The following FGF12 variants were observed in gnomAD, a reference collection of about 807,000 sequenced individuals.
The protein encoded by FGF12 is fibroblast growth factor 12B.
In FGF12, 14 loss-of-function variants were observed where a neutral mutation model predicts 23.6. That is an observed-to-expected ratio of 0.59 (90% CI 0.39 to 0.93). The LOEUF is 0.93. Ranked by LOEUF, FGF12 falls within the 40% of genes least tolerant of loss-of-function variation. FGF12 has a pLI of 0.00. For synonymous variants in FGF12, 62 were observed against 77.3 expected (o/e 0.80, Z 1.04); for missense variants, 175 against 217.8 (o/e 0.80, Z 1.24).
At chr3:192,327,009 C>T (rs1716854306) in intron 4 of FGF12, among the ~76,000 whole-genome samples, 1 of 152,058 alleles carries the variant, frequency 6.6e-6, no homozygotes, top group African/African-American at 2.4e-5. Flanking sequence ...CACATAAGGC[C>T]AAGAGCAGTA....
At chr3:192,419,521 T>C (rs910222076) in intron 2 of FGF12, among the ~76,000 whole-genome samples, 1 of 152,116 alleles carries the variant, frequency 6.6e-6, no homozygotes, top group Non-Finnish European at 1.5e-5. Flanking sequence ...TTTCCCACCA[T>C]CAGAGACTTT....
intron 2 of FGF12, among the ~76,000 whole-genome samples, chr3:192,678,928 G>T (rs1278546869): frequency 6.6e-6 from 1 of 152,082 alleles, no homozygotes; most frequent in East Asian, 1.9e-4. Context: ...TGAAGACCTT[G>T]CTGGGCCTAC....
chr3:192,401,516 T>TA (rs1244519364), intron 2 of FGF12, among the ~76,000 whole-genome samples: 4 of 152,236 alleles, frequency 2.6e-5, no homozygotes, highest in Non-Finnish European at 5.9e-5. Flanking sequence ...AGGGCCTCTG[T>TA]ACTGTATGGT....
At chr3:192,597,539 T>A (rs2886781) in intron 2 of FGF12, among the ~76,000 whole-genome samples, 23,572 of 152,142 alleles carry the variant, frequency 0.15, 1,853 homozygotes, top group Middle Eastern at 0.19. Context: ...GAAAATGGAA[T>A]AATTGCATTC....
chr3:192,716,490 T>G (rs1577138607), intron 2 of FGF12, among the ~76,000 whole-genome samples: 1 of 152,226 alleles, frequency 6.6e-6, no homozygotes, highest in Non-Finnish European at 1.5e-5. Flanking sequence ...CGAGTATATC[T>G]TAACTACATT....
intron 2 of FGF12, among the ~76,000 whole-genome samples, chr3:192,707,744 CAAA>C (rs780175053): frequency 4.7e-5 from 4 of 84,844 alleles, no homozygotes; most frequent in Admixed American, 1.4e-4. Flanking sequence ...GACTCCTTCT[CAAA>C]AAAAAAAAAA....
chr3:192,321,179 A>G (rs972820375), intron 4 of FGF12, among the ~76,000 whole-genome samples: 1 of 152,116 alleles, frequency 6.6e-6, no homozygotes, highest in African/African-American at 2.4e-5. Flanking sequence ...TACTATAAGC[A>G]ACTACACACC....
chr3:192,644,539 G>A (rs957565874), intron 2 of FGF12, among the ~76,000 whole-genome samples: 6 of 152,182 alleles, frequency 3.9e-5, no homozygotes, highest in Admixed American at 1.3e-4. Context: ...CCAAATGTCA[G>A]TTGCTGTCTC....
chr3:192,543,986 G>A (rs918609323), intron 2 of FGF12, among the ~76,000 whole-genome samples: 2 of 152,168 alleles, frequency 1.3e-5, no homozygotes, highest in African/African-American at 4.8e-5. Context: ...GCTGGGGAAC[G>A]GATAGTGCAA....
chr3:192,686,005 C>T lies in FGF12; in HGVS notation c.13+41176G>A, dbSNP rs540547600. ...GCACTCCTGAGCCCTGGAGGCAAAG[C>T]GTGGCGCAATCAGGGATGTTGTGAA... On this transcript the variant is annotated intron_variant, in intron 2 of 5. Coordinates refer to ENST00000445105, the MANE Select transcript of FGF12 (RefSeq NM_004113.6). 4.6e-5 allele frequency among the ~76,000 whole-genome samples: 7 copies of T among 152,162 alleles called. No homozygotes were observed. The South Asian group carries it at 1.5e-3, about 32-fold the overall frequency.
chr3:192,473,883 T>A (rs1723242500), intron 2 of FGF12, among the ~76,000 whole-genome samples: 1 of 152,184 alleles, frequency 6.6e-6, no homozygotes, highest in South Asian at 2.1e-4. Flanking sequence ...ATATCATGTC[T>A]CCAGACAGGG....
At chr3:192,588,222 C>T (rs2108619713) in intron 2 of FGF12, among the ~76,000 whole-genome samples, 1 of 150,834 alleles carries the variant, frequency 6.6e-6, no homozygotes, top group Middle Eastern at 3.4e-3. Context: ...TGGTGGCGGG[C>T]TCCTGTAGTC....
chr3:192,195,766 G>A (rs1717036562), intron 4 of FGF12, among the ~76,000 whole-genome samples: 1 of 151,928 alleles, frequency 6.6e-6, no homozygotes, highest in South Asian at 2.1e-4. Flanking sequence ...GTATGTATGT[G>A]TGTATACACA....
chr3:192,212,432 C>T (rs201400675), intron 4 of FGF12, among the ~76,000 whole-genome samples: 5 of 151,918 alleles, frequency 3.3e-5, no homozygotes, highest in Admixed American at 6.6e-5. Flanking sequence ...TTATGTAAAA[C>T]GGTGTGGGGA....
At chr3:192,527,022 A>T (rs904372030) in intron 2 of FGF12, among the ~76,000 whole-genome samples, 2 of 152,188 alleles carry the variant, frequency 1.3e-5, no homozygotes, top group Non-Finnish European at 2.9e-5. Flanking sequence ...TGTCCTCAAA[A>T]TTTCATGTGT....
rs769562675 is a variant in FGF12 at position 192,360,885 on chromosome 3, T to C, written c.14-347A>G. Among the ~76,000 whole-genome samples the C allele has an allele frequency of 5.9e-5, 9 of 152,158 alleles. No homozygotes were observed. The highest frequency in any genetic ancestry group is 1.2e-4 in the African/African-American group (5 of 41,436). On this transcript the variant is annotated intron_variant, in intron 2 of 5. Transcript: ENST00000445105. The surrounding 1 kb of genome is among the most constrained non-coding windows in gnomAD (Gnocchi z 4.3). ...TATAGTCCCATTCCAGAATTATTGTTTAGGCCAAAATGCCTCTGTAATTTC... is the reference window on the plus strand; with the variant it reads ...TATAGTCCCATTCCAGAATTATTGTCTAGGCCAAAATGCCTCTGTAATTTC...
chr3:192,522,088 C>CT (rs1478777141), intron 2 of FGF12, among the ~76,000 whole-genome samples: 2 of 151,610 alleles, frequency 1.3e-5, no homozygotes, highest in African/African-American at 4.8e-5. Flanking sequence ...GTCCCAGCTA[C>CT]TCGGGAGGCT....
intron 3 of FGF12, among the ~76,000 whole-genome samples, chr3:192,338,084 T>G (rs552584897): frequency 2.6e-5 from 4 of 152,262 alleles, no homozygotes; most frequent in East Asian, 1.9e-4. Context: ...GCTTTCAGGC[T>G]CCCTAATGTG....
chr3:192,386,703 G>A (rs574217139), intron 2 of FGF12, among the ~76,000 whole-genome samples: 12 of 152,136 alleles, frequency 7.9e-5, no homozygotes, highest in African/African-American at 1.7e-4. Context: ...AAACAGAGAC[G>A]TGTCTGAAGA....
Sources: gnomAD v4.1 joint callset for allele counts (sites outside exome capture counted in the v4.1 genomes callset) on GRCh38, gnomAD v4.1.1 for gene constraint, Gnocchi (gnomAD v3.1) non-coding constraint, MANE v1.5 for transcripts, NCBI Gene and HGNC (gene_info 2026-07-23, HGNC 2026-07-21) for gene names.